Variants in RAI14 observed in about 807,000 individuals in gnomAD.
The protein encoded by RAI14 is ankycorbin.
Under a neutral mutation model 115.4 loss-of-function variants are expected in RAI14, and 45 were observed. The observed-to-expected ratio is 0.39, with a 90% CI of 0.31 to 0.50. The LOEUF (loss-of-function observed/expected upper bound fraction) is 0.50, where lower values mean the gene tolerates loss of function less well. RAI14 is among the 20% of genes least tolerant of loss of function. The pLI is 0.85. For synonymous variants in RAI14, 371 were observed against 415.4 expected (o/e 0.89, Z 1.30); for missense variants, 939 against 1,131.2 (o/e 0.83, Z 2.44).
chr5:34,816,870 A>G (rs538274044), intron 12 of RAI14, among the ~76,000 whole-genome samples: 97 of 118,742 alleles, frequency 8.2e-4, no homozygotes, highest in Non-Finnish European at 1.5e-3. Flanking sequence ...ACAAATTATG[A>G]TTTTTCAGAG....
At chr5:34,766,980 G>C (rs750414735) in intron 3 of RAI14, among the ~76,000 whole-genome samples, 137 of 152,126 alleles carry the variant, frequency 9.0e-4, no homozygotes, top group African/African-American at 3.2e-3. Flanking sequence ...TTGCATCTTC[G>C]TCATTTTTCT....
intron 2 of RAI14, among the ~76,000 whole-genome samples, chr5:34,719,390 A>G (rs185133527): frequency 5.8e-4 from 89 of 152,308 alleles, no homozygotes; most frequent in African/African-American, 2.1e-3. Flanking sequence ...GCCACCTTCC[A>G]TCCATTGAGA....
At chr5:34,669,459 G>A (rs1743469345) in intron 1 of RAI14, among the ~76,000 whole-genome samples, 1 of 152,154 alleles carries the variant, frequency 6.6e-6, no homozygotes, top group Non-Finnish European at 1.5e-5. Context: ...ATGCCTCTTT[G>A]ACCAAATAAA....
intron 2 of RAI14, among the ~76,000 whole-genome samples, chr5:34,738,414 G>A (rs534631172): frequency 2.6e-5 from 4 of 152,336 alleles, no homozygotes; most frequent in Middle Eastern, 3.4e-3. Flanking sequence ...GGAGGTGACT[G>A]CCAGATGCTC....
At chr5:34,826,785 A>G (rs2150310544) in intron 16 of RAI14, among the ~76,000 whole-genome samples, 1 of 152,312 alleles carries the variant, frequency 6.6e-6, no homozygotes, top group Middle Eastern at 3.4e-3. Flanking sequence ...TTTTTCTGCA[A>G]CAGTCTTTCC....
intron 13 of RAI14, among the ~76,000 whole-genome samples, chr5:34,820,914 G>A (rs534272930): frequency 6.1e-4 from 93 of 152,300 alleles, no homozygotes; most frequent in Non-Finnish European, 1.1e-3. Context: ...AATGCTTTAA[G>A]GACTGGGCAA....
intron 2 of RAI14, chr5:34,687,945 A>T: frequency 1.0e-6 from 1 of 972,488 alleles, no homozygotes; most frequent in Non-Finnish European, 1.5e-6. Flanking sequence ...CATGTAACTT[A>T]CTGCCCTGAT....
intron 1 of RAI14, among the ~76,000 whole-genome samples, chr5:34,681,696 G>A (rs762067642): frequency 6.6e-5 from 10 of 151,808 alleles, no homozygotes; most frequent in Non-Finnish European, 1.3e-4. Flanking sequence ...ACTGGGTCTC[G>A]CTCTGGTGCC....
intron 3 of RAI14, among the ~76,000 whole-genome samples, chr5:34,765,532 G>T (rs555599498): frequency 6.6e-6 from 1 of 152,300 alleles, no homozygotes; most frequent in Admixed American, 6.5e-5. Flanking sequence ...GTGGAAATTT[G>T]AACTTGAGAA....
intron 2 of RAI14, among the ~76,000 whole-genome samples, chr5:34,708,453 C>A (rs1741001063): frequency 2.0e-5 from 3 of 152,138 alleles, no homozygotes; most frequent in Admixed American, 2.0e-4. Context: ...CCGCCCGCCC[C>A]AGCCTCCCAA....
chr5:34,671,844 C>G (rs1743641681), intron 1 of RAI14, among the ~76,000 whole-genome samples: 1 of 151,872 alleles, frequency 6.6e-6, no homozygotes, highest in Admixed American at 6.6e-5. Flanking sequence ...CCACATGTGG[C>G]TATAGTATTG....
intron 2 of RAI14, among the ~76,000 whole-genome samples, chr5:34,729,079 A>G (rs575504505): frequency 6.6e-5 from 10 of 152,354 alleles, no homozygotes; most frequent in African/African-American, 2.4e-4. Context: ...TGATAAAGCT[A>G]GTGAGGCAAG....
intron 2 of RAI14, among the ~76,000 whole-genome samples, chr5:34,696,813 GT>G (rs1168487443): frequency 6.6e-6 from 1 of 152,224 alleles, no homozygotes; most frequent in Non-Finnish European, 1.5e-5. Flanking sequence ...TGTAGGTGAA[GT>G]TAAATGCTTT....
At chr5:34,695,780 G>A (rs1307370710) in intron 2 of RAI14, among the ~76,000 whole-genome samples, 2 of 149,162 alleles carry the variant, frequency 1.3e-5, no homozygotes, top group African/African-American at 2.5e-5. Flanking sequence ...GAAGGAAAGT[G>A]AAAGTAAAGC....
At chr5:34,830,309 G>T (rs970334446) in intron 17 of RAI14, among the ~76,000 whole-genome samples, 2 of 152,134 alleles carry the variant, frequency 1.3e-5, no homozygotes, top group African/African-American at 4.8e-5. Flanking sequence ...GAGGAATGAG[G>T]GATGATGTGG....
chr5:34,665,081 GTA>G lies in RAI14; in HGVS notation c.-49+8614_-49+8615del, dbSNP rs368459815. On this transcript the variant is annotated intron_variant, in intron 1 of 17. Coordinates refer to ENST00000265109, the MANE Select transcript of RAI14 (RefSeq NM_015577.3). ...TGTATATATATGTGTATATATATGT[GTA>G]TATATATGTGTATATATATGTGTAT... is the stretch of plus-strand genomic sequence containing the variant. Among the ~76,000 whole-genome samples the G allele has an allele frequency of 4.4e-5, 2 of 45,750 alleles. 1 individual carries two copies. The highest frequency in any genetic ancestry group is 9.1e-5 in the Non-Finnish European group (2 of 21,974). 30.0% of individuals were successfully genotyped at this position (45,750 alleles called of 152,430 possible). A position where few individuals can be genotyped will look rare whatever the true frequency, so the allele number is the denominator to read the frequency against.
Position 34,666,798 on chromosome 5 carries a change from ATAAGG to A in RAI14, c.-49+10325_-49+10329del, listed in dbSNP as rs199619507. 5.7e-3 allele frequency among the ~76,000 whole-genome samples: 865 copies of A among 152,294 alleles called. 9 individuals are homozygous for A. The highest frequency in any genetic ancestry group is 0.02 in the African/African-American group (824 of 41,568). On this transcript the variant is annotated intron_variant, in intron 1 of 17. Coordinates refer to ENST00000265109, the MANE Select transcript of RAI14 (RefSeq NM_015577.3). ...CACTTTGCTGCTGGACTGTCCTCGAATAAGGTCAGGGCTGGCCGTAGTCATTGTCA... is the reference window on the plus strand; with the variant it reads ...CACTTTGCTGCTGGACTGTCCTCGAATCAGGGCTGGCCGTAGTCATTGTCA...
chr5:34,829,566 A>G (rs949124329), intron 16 of RAI14, among the ~76,000 whole-genome samples, 166 bp from the exon 17 acceptor site: 2 of 152,224 alleles, frequency 1.3e-5, no homozygotes, highest in African/African-American at 4.8e-5. Flanking sequence ...GTATTCAGAA[A>G]TACACAAGCC....
At chr5:34,821,302 G>C (rs1235113127) in intron 13 of RAI14, among the ~76,000 whole-genome samples, 1 of 152,162 alleles carries the variant, frequency 6.6e-6, no homozygotes, top group Admixed American at 6.5e-5. Flanking sequence ...GCTGTTTGCA[G>C]AGTTTCCAAG....
Sources: gnomAD v4.1 joint callset for allele counts (sites outside exome capture counted in the v4.1 genomes callset) on GRCh38, gnomAD v4.1.1 for gene constraint, MANE v1.5 for transcripts, NCBI Gene and HGNC (gene_info 2026-07-23, HGNC 2026-07-21) for gene names.